The following DNAH10 variants were observed in gnomAD, a reference collection of about 807,000 sequenced individuals.
DNAH10 encodes dynein axonemal heavy chain 10.
DNAH10 carries 348 observed loss-of-function variants against 506.6 expected under a neutral mutation model. The ratio of observed to expected loss-of-function variants is 0.69; its 90% CI spans 0.63 to 0.75. The LOEUF is 0.75. Among genes scored for constraint, DNAH10 ranks in the 30% least tolerant of loss-of-function variants. The pLI, the probability that DNAH10 is intolerant of heterozygous loss-of-function variation, is 0.00. For synonymous variants in DNAH10, 2,059 were observed against 2,198.6 expected (o/e 0.94, Z 1.78); for missense variants, 5,179 against 5,787.1 (o/e 0.89, Z 3.41).
At chr12:123,765,801 A>G (rs1957019623) in intron 1 of DNAH10, among the ~76,000 whole-genome samples, 1 of 151,620 alleles carries the variant, frequency 6.6e-6, no homozygotes, top group African/African-American at 2.4e-5. Context: ...CTATACATCT[A>G]TCTACCTACC....
rs756586741 is a variant in DNAH10, at chr12:123,861,245, G to A, written c.6908+75G>A. 4.6e-6 allele frequency: 7 copies of A among 1,526,012 alleles called. No individual in the cohort carries two copies. In the Admixed American group the frequency reaches 1.0e-4, roughly 22 times the overall value. 94.5% of individuals were successfully genotyped at this position (1,526,012 alleles called of 1,614,324 possible). Reference sequence around the variant, plus strand: ...AGCTCAACATTAAAAACGGTGGCAGGACTATACATTGTAGCTTCATGCTTG... The same window carrying A: ...AGCTCAACATTAAAAACGGTGGCAGAACTATACATTGTAGCTTCATGCTTG... On this transcript the variant is annotated intron_variant, in intron 39 of 78. Transcript: ENST00000673944.
intron 46 of DNAH10, among the ~76,000 whole-genome samples, chr12:123,873,968 C>G (rs1952137070): frequency 6.6e-6 from 1 of 152,144 alleles, no homozygotes. Flanking sequence ...AGCCTTTGAA[C>G]TAAATTCAGC....
chr12:123,867,732 G>A (rs1174007820), intron 42 of DNAH10, 131 bp downstream of exon 42: 28 of 1,409,500 alleles, frequency 2.0e-5, no homozygotes, highest in South Asian at 4.3e-5. Context: ...CAAGGCGGGC[G>A]CCGTGCTTGC....
In DNAH10 at chr12:123,909,447, G is replaced by A. The variant is rs746142772; in HGVS notation, c.9997+5G>A. On this transcript the variant is annotated splice_donor_5th_base_variant and intron_variant, in intron 58 of 78. Transcript: ENST00000673944. The surrounding 1 kb of genome is among the most constrained non-coding windows in gnomAD (Gnocchi z 5.4). ...GCCAAGTGAAAAACATCAAAGGTGA[G>A]TGTAGCCACGTGTGGGAATCGCCAG... 1 of 1,561,816 alleles carries A rather than the reference G, an allele frequency of 6.4e-7. No individual in the cohort carries two copies. The highest frequency in any genetic ancestry group is 1.2e-5 in the South Asian group (1 of 82,242).
chr12:123,931,559 C>T, intron 74 of DNAH10, 77 bp from the exon 75 acceptor site: 2 of 1,605,874 alleles, frequency 1.2e-6, no homozygotes, highest in Non-Finnish European at 1.7e-6. Context: ...GATGCCTTTC[C>T]CAGAACTGGA....
intron 56 of DNAH10, among the ~76,000 whole-genome samples, chr12:123,900,258 A>AT (rs1188930094): frequency 6.6e-6 from 1 of 152,132 alleles, no homozygotes; most frequent in Non-Finnish European, 1.5e-5. Context: ...AATGTAAAAA[A>AT]CTATATATTC....
chr12:123,816,148 C>T (rs1339398736), intron 21 of DNAH10, among the ~76,000 whole-genome samples: 1 of 152,120 alleles, frequency 6.6e-6, no homozygotes, highest in Non-Finnish European at 1.5e-5. Flanking sequence ...GTTCTTTGTC[C>T]CTGGTTCCTG....
chr12:123,774,448 A>C (rs981130942), intron 5 of DNAH10, among the ~76,000 whole-genome samples, 184 bp downstream of exon 5: 1 of 152,192 alleles, frequency 6.6e-6, no homozygotes, highest in Non-Finnish European at 1.5e-5. Context: ...AAAGACACAC[A>C]CACAGAAATA....
At chr12:123,876,245 G>A (rs769361922) in intron 47 of DNAH10, among the ~76,000 whole-genome samples, 2 of 152,160 alleles carry the variant, frequency 1.3e-5, no homozygotes, top group African/African-American at 2.4e-5. Context: ...GGTGAGGTCC[G>A]TGCTGGTCAA....
Position 123,851,003 on chromosome 12 carries a change from T to C in DNAH10, c.6218T>C (p.Val2073Ala), listed in dbSNP as rs1457235359. 1 of 1,613,938 alleles carries C rather than the reference T, an allele frequency of 6.2e-7. No homozygotes were observed. Among genetic ancestry groups the C allele is most frequent in the South Asian group, 1.1e-5 (1 of 91,060 alleles). Reference sequence around the variant, plus strand: ...TCGGTGAAGGCGCTGTTCAGGCCTGTGGTCGTGATCGTGCCCGACCTGCAG... The same window carrying C: ...TCGGTGAAGGCGCTGTTCAGGCCTGCGGTCGTGATCGTGCCCGACCTGCAG... ...PESVKALFRP[V>A]VVIVPDLQQI... Residue 2073 changes from valine to alanine, a missense_variant, in exon 35 of 79, where the codon GTG becomes GCG. By Grantham distance (64) the Val-to-Ala change is moderately conservative (BLOSUM62 0). Transcript: ENST00000673944.
intron 48 of DNAH10, among the ~76,000 whole-genome samples, chr12:123,878,778 A>G (rs1335697963): frequency 1.3e-5 from 2 of 152,204 alleles, no homozygotes; most frequent in Admixed American, 6.5e-5. Context: ...ATGTACCTGT[A>G]GTCCCAGCCA....
At chr12:123,806,055 C>T (rs942239914) in intron 18 of DNAH10, among the ~76,000 whole-genome samples, 4 of 152,162 alleles carry the variant, frequency 2.6e-5, no homozygotes, top group African/African-American at 4.8e-5. Context: ...GGATTACAGG[C>T]GTGAGCCACT....
At chr12:123,766,112 G>GTCTA (rs202070249) in intron 1 of DNAH10, among the ~76,000 whole-genome samples, 2 of 137,468 alleles carry the variant, frequency 1.5e-5, no homozygotes, top group Admixed American at 7.1e-5. Flanking sequence ...ACATCTGTCT[G>GTCTA]TCTATCTATC....
chr12:123,801,510 C>G, intron 16 of DNAH10, 78 bp downstream of exon 16: 2 of 1,519,392 alleles, frequency 1.3e-6, no homozygotes, highest in South Asian at 1.3e-5. Context: ...ATTTGAATTA[C>G]CATTTTCATA....
In DNAH10 at chr12:123,887,240, G is replaced by A. The variant is rs1430796705; in HGVS notation, c.8922G>A (p.Met2974Ile). The A allele has an allele frequency of 6.2e-7, 1 of 1,613,874 alleles. No individual in the cohort carries two copies. Among genetic ancestry groups the A allele is most frequent in the African/African-American group, 1.3e-5 (1 of 74,944 alleles). The stretch of plus-strand genomic sequence containing the variant: ...AACTTGGGATTGAGAACAAAGCGAT[G>A]ATCTTTCTGTTCACGGATGCCCATG... ...YLKLGIENKA[M>I]IFLFTDAHVA... The change falls in exon 52 of 79, where the codon ATG becomes ATA. Residue 2974 changes from methionine (M) to isoleucine (I), a missense_variant. Transcript: ENST00000673944.
intron 48 of DNAH10, among the ~76,000 whole-genome samples, chr12:123,878,128 G>A (rs1402091961): frequency 6.6e-6 from 1 of 152,176 alleles, no homozygotes; most frequent in Non-Finnish European, 1.5e-5. Flanking sequence ...AAGCAGAAGT[G>A]GGGACAAGCC....
intron 21 of DNAH10, among the ~76,000 whole-genome samples, chr12:123,815,003 C>CT (rs2136374883): frequency 1.3e-5 from 2 of 152,284 alleles, no homozygotes; most frequent in Non-Finnish European, 2.9e-5. Flanking sequence ...GGATTTTGCA[C>CT]TAAGTGTGCA....
chr12:123,774,265 G>A lies in DNAH10; in HGVS notation c.621+1G>A. The A allele has an allele frequency of 6.4e-7, 1 of 1,574,108 alleles. No individual in the cohort carries two copies. Among genetic ancestry groups the A allele is most frequent in the Non-Finnish European group, 8.6e-7 (1 of 1,158,564 alleles). ...TTTTCTGAAGAATATTATATGTCAG[G>A]TAAACATGGAGAAAGGAAGAAATTC... On this transcript the variant is annotated splice_donor_variant, in intron 5 of 78. Coordinates refer to ENST00000673944, the MANE Select transcript of DNAH10 (RefSeq NM_001372106.1). LOFTEE classifies it high-confidence loss of function.
chr12:123,824,919 A>G (rs1280891653), intron 24 of DNAH10, among the ~76,000 whole-genome samples: 1 of 151,942 alleles, frequency 6.6e-6, no homozygotes, highest in East Asian at 1.9e-4. Flanking sequence ...GTGGACGTGC[A>G]TTTTTGGGGG....
Sources: allele counts gnomAD v4.1 joint callset (sites outside exome capture counted in the v4.1 genomes callset), GRCh38; gene constraint gnomAD v4.1.1; non-coding constraint Gnocchi (gnomAD v3.1); transcripts MANE v1.5; gene names NCBI Gene and HGNC (gene_info 2026-07-23, HGNC 2026-07-21).